Variants in EIF4G2 observed in about 807,000 individuals in gnomAD.
EIF4G2 encodes the protein DAP-5.
In EIF4G2, 8 loss-of-function variants were observed where a neutral mutation model predicts 117.7. The observed-to-expected ratio is 0.07, with a 90% CI of 0.04 to 0.12. The LOEUF (loss-of-function observed/expected upper bound fraction) is 0.12. Ranked by LOEUF, EIF4G2 falls within the 10% of genes least tolerant of loss-of-function variation. The pLI is 1.00. For synonymous variants in EIF4G2, 413 were observed against 367.8 expected, an observed-to-expected ratio of 1.12 and a Z score of -1.41; for missense variants, 812 against 1,086.2, an observed-to-expected ratio of 0.75 and a Z score of 3.55.
chr11:10,797,556 G>A lies in EIF4G2; in HGVS notation c.*260C>T, dbSNP rs1170891447. On this transcript the variant is annotated 3_prime_UTR_variant, in exon 22 of 22. Coordinates refer to ENST00000339995, the MANE Select transcript of EIF4G2 (RefSeq NM_001418.4). This position sits in a 1 kb window ranked among gnomAD's most constrained non-coding sequence, Gnocchi z 4.5. ...CTTGCAATAGACTGCCTCTGCTTGA[G>A]AACTTATGATGTAATTATTGCATGC... The A allele has an allele frequency of 2.4e-6, 1 of 422,012 alleles. No individual in the cohort carries two copies. The highest frequency in any genetic ancestry group is 2.1e-5 in the African/African-American group (1 of 48,484). 26.1% of individuals were successfully genotyped at this position (422,012 alleles called of 1,614,324 possible). A position where few individuals can be genotyped will look rare whatever the true frequency, so the allele number is the denominator to read the frequency against.
rs551650385 is a variant in EIF4G2 at position 10,800,049 on chromosome 11, A to G, written c.2119+41T>C. 5 of 1,590,818 alleles carry G rather than the reference A, an allele frequency of 3.1e-6. No individual in the cohort carries two copies. In the African/African-American group the frequency reaches 5.4e-5, roughly 17 times the overall value. On this transcript the variant is annotated intron_variant, in intron 18 of 21. Coordinates refer to ENST00000339995, the MANE Select transcript of EIF4G2 (RefSeq NM_001418.4). The stretch of plus-strand genomic sequence containing the variant: ...CAAGGTACCTGAAATCTCTAGATAT[A>G]ATATTAAAAAAACAAAACAAACAAG...
At chr11:10,806,150 C>T in intron 3 of EIF4G2, 103 bp from the exon 4 acceptor site, 2 of 1,498,362 alleles carry the variant, frequency 1.3e-6, no homozygotes, top group South Asian at 2.4e-5. Flanking sequence ...TTCTCGACTT[C>T]CCCTCCAAGA....
Position 10,805,904 on chromosome 11 carries a change from T to A in EIF4G2, c.248+3A>T. Reference sequence around the variant, plus strand: ...TTTTAGTAAAACAGACCTTGAAACTTACCCTCTTACTTTCCTGAAGATTGC... The same window carrying A: ...TTTTAGTAAAACAGACCTTGAAACTAACCCTCTTACTTTCCTGAAGATTGC... On this transcript the variant is annotated splice_donor_region_variant and intron_variant, in intron 4 of 21. Transcript: ENST00000339995. 4.3e-6 allele frequency: 7 copies of A among 1,614,202 alleles called. No homozygotes were observed. Among genetic ancestry groups the A allele is most frequent in the Non-Finnish European group, 5.1e-6 (6 of 1,180,026 alleles).
chr11:10,808,516 G>C lies in EIF4G2; in HGVS notation c.-87+189C>G, dbSNP rs985536679. ...AACACTGACGTTTTCCTTCTACTCC[G>C]TCAGCAACAGGAAGAGAGAACAAAA... is the stretch of plus-strand genomic sequence containing the variant. On this transcript the variant is annotated intron_variant, in intron 1 of 21. Transcript: ENST00000339995. 46 of 1,212,214 alleles carry C rather than the reference G, an allele frequency of 3.8e-5. No individual in the cohort carries two copies. The Admixed American group carries it at 8.4e-4, about 22-fold the overall frequency. The allele number at this position is 1,212,214 out of a possible 1,614,324, so 75.1% of individuals were successfully genotyped here. A position where few individuals can be genotyped will look rare whatever the true frequency, so the allele number is the denominator to read the frequency against.
At chr11:10,802,502 T>C in intron 11 of EIF4G2, 67 bp from the exon 12 acceptor site, 1 of 1,471,034 alleles carries the variant, frequency 6.8e-7, no homozygotes, top group Non-Finnish European at 9.0e-7. Context: ...CTAAAATTCT[T>C]GCAACTAGGG....
intron 13 of EIF4G2, 21 bp from the exon 14 acceptor site, chr11:10,801,795 G>A (rs768184639): frequency 2.5e-6 from 4 of 1,607,104 alleles, no homozygotes; most frequent in South Asian, 2.2e-5. Context: ...AAAGGAGAAA[G>A]AAAGTCTAGA....
chr11:10,802,943 C>G (rs1239704776), intron 11 of EIF4G2, 87 bp downstream of exon 11: 5 of 1,131,376 alleles, frequency 4.4e-6, no homozygotes, highest in Non-Finnish European at 6.4e-6. Flanking sequence ...ACAGACCCCT[C>G]AAGCGTTTGG....
chr11:10,806,090 A>C (rs757319274), intron 3 of EIF4G2, 43 bp from the exon 4 acceptor site: 1 of 1,611,532 alleles, frequency 6.2e-7, no homozygotes, highest in Admixed American at 1.7e-5. Context: ...GTCACACACC[A>C]AATGTTAAAC....
chr11:10,801,418 C>T (rs922610288), intron 14 of EIF4G2: 2 of 657,030 alleles, frequency 3.0e-6, no homozygotes, highest in East Asian at 2.8e-5. Context: ...AGAAAGAAAC[C>T]ACAATATTTT....
In EIF4G2 at chr11:10,803,475, C is replaced by A; in HGVS notation, c.813+5G>T. 6.2e-7 allele frequency: 1 copy of A among 1,612,474 alleles called. No individual in the cohort carries two copies. Among genetic ancestry groups the A allele is most frequent in the South Asian group, 1.1e-5 (1 of 91,064 alleles). ...TTGTACTACTTTCATCAGCTACACA[C>A]GTACCTTGGCTCGTTCATGGTCTAA... On this transcript the variant is annotated splice_donor_5th_base_variant and intron_variant, in intron 9 of 21. Transcript: ENST00000339995. The surrounding 1 kb of genome is among the most constrained non-coding windows in gnomAD (Gnocchi z 4.0).
At chr11:10,799,935 A>G (rs1279997412) in intron 18 of EIF4G2, 155 bp downstream of exon 18, 5 of 1,173,684 alleles carry the variant, frequency 4.3e-6, no homozygotes, top group South Asian at 1.6e-5. Context: ...TAGTTAAATT[A>G]TAAATCTCTC....
chr11:10,802,086 T>A lies in EIF4G2; in HGVS notation c.1262A>T (p.Gln421Leu). ...AAACTTGCCTCCCATCTCTCCAAAC[T>A]GCGATTGTGTGGGAGGCATGATGTG... Residue 421 changes from glutamine (Q) to leucine (L), a missense_variant, in exon 13 of 22, where the codon CAG (glutamine) becomes CTG (leucine). By Grantham distance (113) the Gln-to-Leu change is moderately radical. Around this residue, in one of 4 missense-constraint regions of EIF4G2, gnomAD observed 571 missense variants for 642.3 expected, o/e 0.89. Coordinates refer to ENST00000339995, the MANE Select transcript of EIF4G2 (RefSeq NM_001418.4). 9.6e-7 allele frequency: 1 copy of A among 1,041,258 alleles called. No homozygotes were observed. Among genetic ancestry groups the A allele is most frequent in the South Asian group, 2.0e-5 (1 of 50,120 alleles). 64.5% of individuals were successfully genotyped at this position (1,041,258 alleles called of 1,614,324 possible). A position where few individuals can be genotyped will look rare whatever the true frequency, so the allele number is the denominator to read the frequency against.
At chr11:10,808,087 T>C in intron 1 of EIF4G2, 1 of 1,058,246 alleles carries the variant, frequency 9.4e-7, no homozygotes, top group Non-Finnish European at 1.1e-6. Context: ...AGCTCTTTGT[T>C]CTCCAAGCAG....
At position 10,800,581 on chromosome 11, in the gene EIF4G2, T is replaced by C. The variant is rs1182180532; in HGVS notation, c.1711A>G (p.Met571Val). Residue 571 changes from methionine (M) to valine (V), a missense_variant, in exon 17 of 22, where the codon ATG (methionine) becomes GTG (valine). Met to Val is a conservative substitution (Grantham distance 21). Around this residue, in one of 4 missense-constraint regions of EIF4G2, gnomAD observed 571 missense variants for 642.3 expected, o/e 0.89. Transcript: ENST00000339995. The stretch of plus-strand genomic sequence containing the variant: ...GGAAGAAAGTGTTTAGGAGCCCTCA[T>C]TTCTCTTACACCATTGACAGCCTCA... 6.2e-7 allele frequency: 1 copy of C among 1,614,204 alleles called. No homozygotes were observed. The highest frequency in any genetic ancestry group is 8.5e-7 in the Non-Finnish European group (1 of 1,180,038).
chr11:10,807,861 C>T (rs1847630876), intron 1 of EIF4G2: 2 of 988,166 alleles, frequency 2.0e-6, no homozygotes, highest in Non-Finnish European at 2.4e-6. Flanking sequence ...CGAGAGGGGG[C>T]CGGGTGTACA....
At chr11:10,798,946 C>T in intron 21 of EIF4G2, 46 bp downstream of exon 21, 3 of 1,573,750 alleles carry the variant, frequency 1.9e-6, no homozygotes, top group Middle Eastern at 1.7e-4. Context: ...AAGTTAATAC[C>T]AAGCAAACTG....
chr11:10,804,434 T>G lies in EIF4G2; in HGVS notation c.352-16A>C. On this transcript the variant is annotated splice_polypyrimidine_tract_variant and intron_variant, in intron 5 of 21. Transcript: ENST00000339995. ...TGTCCACAATCTACAGAAAATGTCA[T>G]TGCTTAAACTAAATATGAAAACTTC... The G allele has an allele frequency of 6.4e-7, 1 of 1,557,980 alleles. No individual in the cohort carries two copies. The highest frequency in any genetic ancestry group is 2.3e-5 in the East Asian group (1 of 44,236).
At chr11:10,798,230 T>C (rs901228017) in intron 21 of EIF4G2, among the ~76,000 whole-genome samples, 1 of 152,168 alleles carries the variant, frequency 6.6e-6, no homozygotes, top group African/African-American at 2.4e-5. Context: ...AACCAGAATC[T>C]CTAGGAATAG....
At chr11:10,799,476 G>T (rs775427237) in intron 19 of EIF4G2, 52 bp from the exon 20 acceptor site, 1 of 1,609,848 alleles carries the variant, frequency 6.2e-7, no homozygotes, top group Admixed American at 1.7e-5. Flanking sequence ...TCTTGCTCAA[G>T]AGACAACTCT....
Sources: allele counts gnomAD v4.1 joint callset (sites outside exome capture counted in the v4.1 genomes callset), GRCh38; gene constraint gnomAD v4.1.1; regional missense constraint gnomAD v4.1.1; non-coding constraint Gnocchi (gnomAD v3.1); transcripts MANE v1.5; gene names NCBI Gene and HGNC (gene_info 2026-07-23, HGNC 2026-07-21).